SEMA3E: variants seen among roughly 807,000 people sequenced by gnomAD.
SEMA3E encodes the protein semaphorin-3E.
In SEMA3E, 49 loss-of-function variants were observed where a neutral mutation model predicts 93.6. The ratio of observed to expected loss-of-function variants is 0.52; its 90% CI spans 0.42 to 0.66. SEMA3E has a LOEUF of 0.66. SEMA3E is among the 30% of genes least tolerant of loss of function. The pLI is 0.00. For synonymous variants in SEMA3E, 363 were observed against 330.7 expected (o/e 1.10, Z -1.06); for missense variants, 906 against 964.8 (o/e 0.94, Z 0.81).
intron 16 of SEMA3E, among the ~76,000 whole-genome samples, chr7:83,381,334 A>C (rs1787773473): frequency 6.6e-6 from 1 of 151,982 alleles, no homozygotes; most frequent in South Asian, 2.1e-4. Context: ...TTCTTTGAGT[A>C]TATCACATAT....
At chr7:83,374,631 A>T (rs1794796495) in intron 16 of SEMA3E, among the ~76,000 whole-genome samples, 1 of 152,194 alleles carries the variant, frequency 6.6e-6, no homozygotes, top group Admixed American at 6.5e-5. Flanking sequence ...AGCAACAGGG[A>T]TAAACTGTAA....
In SEMA3E at chr7:83,534,808, C is replaced by T. The variant is rs1008205639; in HGVS notation, c.116-44534G>A. Among the ~76,000 whole-genome samples the T allele has an allele frequency of 2.0e-5, 3 of 152,108 alleles. No homozygotes were observed. In the East Asian group the frequency reaches 5.8e-4, roughly 29 times the overall value. On this transcript the variant is annotated intron_variant, in intron 1 of 16. Coordinates refer to ENST00000643230, the MANE Select transcript of SEMA3E (RefSeq NM_012431.3). ...ATAAGCTCTTTATTATTTGTCTTTA[C>T]AGAAAGCCTGCCAATTCTTTGTTTA...
intron 1 of SEMA3E, among the ~76,000 whole-genome samples, chr7:83,545,552 G>GAAAAAAA (rs3068645): frequency 2.0e-4 from 17 of 86,430 alleles, no homozygotes; most frequent in East Asian, 3.3e-4. Flanking sequence ...GAAGAGAAAT[G>GAAAAAAA]AAAAAAAAAA....
At chr7:83,537,925 GTC>G (rs1278384945) in intron 1 of SEMA3E, among the ~76,000 whole-genome samples, 1 of 151,960 alleles carries the variant, frequency 6.6e-6, no homozygotes, top group Non-Finnish European at 1.5e-5. Context: ...TTTTTCACTA[GTC>G]TCTATCAATT....
intron 1 of SEMA3E, among the ~76,000 whole-genome samples, chr7:83,638,337 G>T (rs2115698770): frequency 6.6e-6 from 1 of 152,252 alleles, no homozygotes; most frequent in South Asian, 2.1e-4. Flanking sequence ...GTATAACAAA[G>T]GGGATGAAGT....
At chr7:83,522,132 T>A (rs1045626076) in intron 1 of SEMA3E, among the ~76,000 whole-genome samples, 1 of 152,150 alleles carries the variant, frequency 6.6e-6, no homozygotes, top group Non-Finnish European at 1.5e-5. Context: ...TCTTCAGAAA[T>A]TATCAGTTTT....
At chr7:83,598,763 C>T (rs1257826800) in intron 1 of SEMA3E, among the ~76,000 whole-genome samples, 1 of 152,196 alleles carries the variant, frequency 6.6e-6, no homozygotes, top group Non-Finnish European at 1.5e-5. Context: ...TATTGTGACA[C>T]CCCTTGGTGT....
At chr7:83,387,569 AATAAT>A (rs1028822918) in intron 14 of SEMA3E, among the ~76,000 whole-genome samples, 1 of 151,980 alleles carries the variant, frequency 6.6e-6, no homozygotes, top group African/African-American at 2.4e-5. Flanking sequence ...GACATAAACT[AATAAT>A]ATACTGTAGT....
At chr7:83,509,850 G>A (rs1318048809) in intron 1 of SEMA3E, among the ~76,000 whole-genome samples, 1 of 152,132 alleles carries the variant, frequency 6.6e-6, no homozygotes, top group Non-Finnish European at 1.5e-5. Context: ...ATTAGATAAG[G>A]TACATACATA....
chr7:83,614,674 C>A (rs1314671399), intron 1 of SEMA3E, among the ~76,000 whole-genome samples: 1 of 151,996 alleles, frequency 6.6e-6, no homozygotes, highest in Non-Finnish European at 1.5e-5. Context: ...ACCTTGGGAC[C>A]CAGGGTGACA....
intron 2 of SEMA3E, among the ~76,000 whole-genome samples, chr7:83,477,278 C>A (rs1364878912): frequency 2.6e-5 from 4 of 151,874 alleles, no homozygotes; most frequent in Admixed American, 2.0e-4. Context: ...TATTCTCTTC[C>A]TATTTCTATT....
chr7:83,381,727 T>A (rs1040004551), intron 16 of SEMA3E, among the ~76,000 whole-genome samples: 1 of 151,996 alleles, frequency 6.6e-6, no homozygotes, highest in Non-Finnish European at 1.5e-5. Flanking sequence ...TAAAATTAGA[T>A]GGAGTACTCT....
intron 1 of SEMA3E, among the ~76,000 whole-genome samples, chr7:83,493,011 C>T (rs1329398759): frequency 2.0e-5 from 3 of 151,982 alleles, no homozygotes; most frequent in Non-Finnish European, 4.4e-5. Flanking sequence ...CGTAGGTAAA[C>T]TTGAACAACC....
At chr7:83,434,709 C>CTTTTTTTT (rs76539180) in intron 4 of SEMA3E, among the ~76,000 whole-genome samples, 53 of 120,188 alleles carry the variant, frequency 4.4e-4, no homozygotes, top group East Asian at 1.2e-3. Context: ...AACTGTATTT[C>CTTTTTTTT]TTTTTTTTTT....
chr7:83,425,687 T>G (rs1788756422), intron 4 of SEMA3E, among the ~76,000 whole-genome samples: 1 of 152,218 alleles, frequency 6.6e-6, no homozygotes, highest in South Asian at 2.1e-4. Flanking sequence ...CCAGTCATTC[T>G]GAACTTCTTT....
chr7:83,544,195 A>G (rs925296949), intron 1 of SEMA3E, among the ~76,000 whole-genome samples: 4 of 152,048 alleles, frequency 2.6e-5, no homozygotes, highest in Admixed American at 6.6e-5. Context: ...GTTAAAATAC[A>G]TTTAAGAGAA....
At chr7:83,599,274 C>A (rs1364878546) in intron 1 of SEMA3E, among the ~76,000 whole-genome samples, 1 of 152,158 alleles carries the variant, frequency 6.6e-6, no homozygotes, top group African/African-American at 2.4e-5. Flanking sequence ...ACACAGAACA[C>A]AATGTCCCTT....
At chr7:83,594,686 A>G (rs1235715831) in intron 1 of SEMA3E, among the ~76,000 whole-genome samples, 1 of 152,064 alleles carries the variant, frequency 6.6e-6, no homozygotes, top group Non-Finnish European at 1.5e-5. Flanking sequence ...GTGGCTCATT[A>G]CTTTCTAGTA....
intron 1 of SEMA3E, among the ~76,000 whole-genome samples, chr7:83,547,891 A>T (rs1411733442): frequency 1.3e-5 from 2 of 152,124 alleles, no homozygotes; most frequent in Non-Finnish European, 2.9e-5. Context: ...AGGCTAGAGT[A>T]ATCATTAATC....
Sources: allele counts gnomAD v4.1 joint callset (sites outside exome capture counted in the v4.1 genomes callset), GRCh38; gene constraint gnomAD v4.1.1; transcripts MANE v1.5; gene names NCBI Gene and HGNC (gene_info 2026-07-23, HGNC 2026-07-21).